TSPEAR: variants seen among roughly 807,000 people sequenced by gnomAD.
The protein encoded by TSPEAR is thrombospondin-type laminin G domain and EAR repeat-containing protein.
TSPEAR carries 69 observed loss-of-function variants against 71.6 expected under a neutral mutation model. The ratio of observed to expected loss-of-function variants is 0.96; its 90% CI spans 0.79 to 1.18. The LOEUF (loss-of-function observed/expected upper bound fraction) is 1.18, where lower values mean the gene tolerates loss of function less well. TSPEAR is among the 50% of genes most tolerant of loss of function. TSPEAR has a pLI of 0.00. For missense variants in TSPEAR, 971 were observed against 894.9 expected (o/e 1.09, Z -1.09); for synonymous variants, 402 against 387.2 (o/e 1.04, Z -0.45).
chr21:44,602,193 G>C, intron 1 of TSPEAR: 1 of 206,610 alleles, frequency 4.8e-6, no homozygotes, highest in East Asian at 1.2e-4. Context: ...ATTCATTCTT[G>C]TTGTTCACAA....
chr21:44,703,809 G>A (rs1344434276), intron 1 of TSPEAR, among the ~76,000 whole-genome samples: 4 of 152,024 alleles, frequency 2.6e-5, no homozygotes, highest in African/African-American at 9.7e-5. Context: ...GATCCCCAAG[G>A]GTCCCACACC....
chr21:44,522,251 C>G, intron 8 of TSPEAR, 139 bp from the exon 9 acceptor site: 1 of 731,180 alleles, frequency 1.4e-6, no homozygotes, highest in Non-Finnish European at 2.4e-6. Context: ...CTGGGGACAT[C>G]CTTTCTTACC....
intron 1 of TSPEAR, among the ~76,000 whole-genome samples, chr21:44,652,424 C>T (rs80251134): frequency 0.017 from 2,610 of 152,308 alleles, 80 homozygotes; most frequent in African/African-American, 0.059. Context: ...TGAGCCCCCA[C>T]GGCTCCTCCA....
chr21:44,597,383 C>T (rs1185276100), intron 1 of TSPEAR, among the ~76,000 whole-genome samples: 4 of 151,136 alleles, frequency 2.6e-5, no homozygotes, highest in African/African-American at 4.9e-5. Context: ...TATTTTCTTC[C>T]ATCTTGTTAC....
chr21:44,644,062 G>A (rs925830658), intron 1 of TSPEAR, among the ~76,000 whole-genome samples: 51 of 152,140 alleles, frequency 3.4e-4, no homozygotes, highest in Non-Finnish European at 5.1e-4. Flanking sequence ...ATCCCCTCCC[G>A]GCACCTCCCT....
In TSPEAR at chr21:44,666,971, A is replaced by G. The variant is rs587635512; in HGVS notation, c.82+44462T>C. The G allele has an allele frequency of 3.5e-6, 5 of 1,436,034 alleles. No individual in the cohort carries two copies. The South Asian group carries it at 6.7e-5, about 19-fold the overall frequency. 89.0% of individuals were successfully genotyped at this position (1,436,034 alleles called of 1,614,324 possible). A position where few individuals can be genotyped will look rare whatever the true frequency, so the allele number is the denominator to read the frequency against. On this transcript the variant is annotated intron_variant, in intron 1 of 11. Coordinates refer to ENST00000323084, the MANE Select transcript of TSPEAR (RefSeq NM_144991.3). ...CTGGGCAGCCTTTATACCTGGGCCC[A>G]GGCATCCCCACAGCACAGAAGCACA...
At chr21:44,701,403 C>A (rs1987641028) in intron 1 of TSPEAR, among the ~76,000 whole-genome samples, 1 of 152,200 alleles carries the variant, frequency 6.6e-6, no homozygotes, top group Admixed American at 6.5e-5. Flanking sequence ...TTTCCACGGA[C>A]TGGGGAGGGG....
At position 44,627,178 on chromosome 21, in the gene TSPEAR, G is replaced by A. The variant is rs377104689; in HGVS notation, c.83-59173C>T. Reference sequence around the variant, plus strand: ...ACCTCCTCCCCACCCCAGCATGGCCGCGTCCACCATGTCCATCCGCTCCAG... The same window carrying A: ...ACCTCCTCCCCACCCCAGCATGGCCACGTCCACCATGTCCATCCGCTCCAG... On this transcript the variant is annotated intron_variant, in intron 1 of 11. Coordinates refer to ENST00000323084, the MANE Select transcript of TSPEAR (RefSeq NM_144991.3). 13 of 1,611,902 alleles carry A rather than the reference G, an allele frequency of 8.1e-6. No homozygotes were observed. In the Admixed American group the frequency reaches 1.0e-4, roughly 12 times the overall value.
Position 44,623,051 on chromosome 21 carries a change from T to C in TSPEAR, c.83-55046A>G, listed in dbSNP as rs961259312. ...ACCTTCCACCATGAGCAAAGCCCCC[T>C]GAGGCCTCCCCAGAAGCTGAGCAGA... On this transcript the variant is annotated intron_variant, in intron 1 of 11. Coordinates refer to ENST00000323084, the MANE Select transcript of TSPEAR (RefSeq NM_144991.3). The surrounding 1 kb of genome is among the most constrained non-coding windows in gnomAD (Gnocchi z 4.5). Among the ~76,000 whole-genome samples the C allele has an allele frequency of 1.2e-4, 19 of 152,218 alleles. No individual in the cohort carries two copies. The highest frequency in any genetic ancestry group is 4.3e-4 in the African/African-American group (18 of 41,452).
intron 1 of TSPEAR, among the ~76,000 whole-genome samples, chr21:44,701,029 C>A (rs937907085): frequency 6.6e-6 from 1 of 152,142 alleles, no homozygotes; most frequent in Non-Finnish European, 1.5e-5. Flanking sequence ...CAGACAATGT[C>A]CCTACCCTCA....
Position 44,710,545 on chromosome 21 carries a change from G to A in TSPEAR, c.82+888C>T, listed in dbSNP as rs1988167799. Among the ~76,000 whole-genome samples the A allele has an allele frequency of 6.6e-6, 1 of 152,118 alleles. No homozygotes were observed. Among genetic ancestry groups the A allele is most frequent in the Non-Finnish European group, 1.5e-5 (1 of 68,018 alleles). On this transcript the variant is annotated intron_variant, in intron 1 of 11. Transcript: ENST00000323084. This position sits in a 1 kb window ranked among gnomAD's most constrained non-coding sequence, Gnocchi z 4.6. ...AGAGCTGTGGCCCGGTGCCGGGGGT[G>A]GACTTCATCTATTCCAGGGAACCAA...
intron 1 of TSPEAR, among the ~76,000 whole-genome samples, chr21:44,702,059 C>T (rs972360124): frequency 4.6e-5 from 7 of 152,164 alleles, no homozygotes; most frequent in African/African-American, 1.4e-4. Context: ...CCAGAGAGAC[C>T]CTAAGTGCCG....
chr21:44,515,205 T>G (rs1555913225), intron 9 of TSPEAR, among the ~76,000 whole-genome samples: 1 of 152,204 alleles, frequency 6.6e-6, no homozygotes, highest in Non-Finnish European at 1.5e-5. Context: ...CAACACAATG[T>G]GAGAAATGTT....
At chr21:44,539,221 C>T (rs782607691) in intron 2 of TSPEAR, 26 of 1,554,736 alleles carry the variant, frequency 1.7e-5, no homozygotes, top group Non-Finnish European at 2.1e-5. Flanking sequence ...GGGAAGCCAC[C>T]TAACCCAGGT....
intron 2 of TSPEAR, among the ~76,000 whole-genome samples, chr21:44,555,304 G>A (rs233249): frequency 0.19 from 28,938 of 152,146 alleles, 2,887 homozygotes; most frequent in East Asian, 0.36. Context: ...AAACAGTAAC[G>A]GGAGGGAAAA....
In TSPEAR at chr21:44,625,620, T is replaced by C. The variant is rs1369937911; in HGVS notation, c.83-57615A>G. ...CAGCGTTCCCACATGCAAGTCTGAG[T>C]GGACCTCGGGGAAGGCCGCGGGGAG... is the stretch of plus-strand genomic sequence containing the variant. On this transcript the variant is annotated intron_variant, in intron 1 of 11. Coordinates refer to ENST00000323084, the MANE Select transcript of TSPEAR (RefSeq NM_144991.3). Among the ~76,000 whole-genome samples the C allele has an allele frequency of 1.2e-4, 18 of 152,236 alleles. No homozygotes were observed. In the South Asian group the frequency reaches 2.1e-3, roughly 17 times the overall value.
At chr21:44,561,436 T>C (rs1013089481) in intron 2 of TSPEAR, among the ~76,000 whole-genome samples, 1 of 152,196 alleles carries the variant, frequency 6.6e-6, no homozygotes, top group African/African-American at 2.4e-5. Flanking sequence ...CTTCTGAAAC[T>C]ATTCCAAACA....
At chr21:44,637,534 C>A (rs782713628) in intron 1 of TSPEAR, 1 of 1,613,630 alleles carries the variant, frequency 6.2e-7, no homozygotes, top group South Asian at 1.1e-5. Flanking sequence ...CCAGCTTGAC[C>A]CTGGTCTGCA....
At chr21:44,541,465 G>A (rs868969919) in intron 2 of TSPEAR, among the ~76,000 whole-genome samples, 7 of 152,182 alleles carry the variant, frequency 4.6e-5, no homozygotes, top group African/African-American at 1.4e-4. Context: ...CGAAGGGGCC[G>A]GGAGGTATCA....
Sources: allele counts gnomAD v4.1 joint callset (sites outside exome capture counted in the v4.1 genomes callset), GRCh38; gene constraint gnomAD v4.1.1; non-coding constraint Gnocchi (gnomAD v3.1); transcripts MANE v1.5; gene names NCBI Gene and HGNC (gene_info 2026-07-23, HGNC 2026-07-21).